The following POU2F3 variants were observed in gnomAD, a reference collection of about 807,000 sequenced individuals.
POU2F3 encodes the protein POU domain, class 2, transcription factor 3.
POU2F3 carries 23 observed loss-of-function variants against 59.2 expected under a neutral mutation model. That is an observed-to-expected ratio of 0.39 (90% confidence interval 0.28 to 0.55). The LOEUF (loss-of-function observed/expected upper bound fraction) is 0.55, where lower values mean the gene tolerates loss of function less well. Among genes scored for constraint, POU2F3 ranks in the 20% least tolerant of loss-of-function variants. The pLI, the probability that POU2F3 is intolerant of heterozygous loss-of-function variation, is 0.66. For synonymous variants in POU2F3, 190 were observed against 214.6 expected (o/e 0.89, Z 1.00); for missense variants, 473 against 544.5 (o/e 0.87, Z 1.31).
chr11:120,243,887 T>C (rs1470803481), intron 1 of POU2F3, among the ~76,000 whole-genome samples: 1 of 152,052 alleles, frequency 6.6e-6, no homozygotes, highest in Non-Finnish European at 1.5e-5. Context: ...ACATGGCAGA[T>C]GAGGAGGGGA....
At chr11:120,313,959 A>C (rs1255083128) in intron 10 of POU2F3, among the ~76,000 whole-genome samples, 3 of 152,214 alleles carry the variant, frequency 2.0e-5, no homozygotes, top group Non-Finnish European at 4.4e-5. Context: ...GGTTGCAGTG[A>C]ACCGTGATCG....
At chr11:120,238,155 G>A (rs984209258), upstream of POU2F3, among the ~76,000 whole-genome samples, 11 of 152,100 alleles carry the variant, frequency 7.2e-5, no homozygotes, top group African/African-American at 2.7e-4. Flanking sequence ...CAGGAGAATC[G>A]CTTGAACCTG....
At chr11:120,309,766 T>C (rs1199058205) in intron 10 of POU2F3, among the ~76,000 whole-genome samples, 180 bp downstream of exon 10, 1 of 152,148 alleles carries the variant, frequency 6.6e-6, no homozygotes, top group African/African-American at 2.4e-5. Flanking sequence ...GAGATACTCT[T>C]TCAGTAGAGA....
At chr11:120,268,248 A>G (rs1387261962) in intron 2 of POU2F3, among the ~76,000 whole-genome samples, 1 of 152,112 alleles carries the variant, frequency 6.6e-6, no homozygotes, top group Non-Finnish European at 1.5e-5. Flanking sequence ...ATACAAAAAT[A>G]TTAATTATGA....
chr11:120,241,000 G>C (rs570172570), intron 1 of POU2F3, among the ~76,000 whole-genome samples: 1 of 152,230 alleles, frequency 6.6e-6, no homozygotes, highest in South Asian at 2.1e-4. Context: ...ATGCTTTGCC[G>C]GGAGTCAGGC....
chr11:120,288,896 T>C (rs1455793412), intron 3 of POU2F3, among the ~76,000 whole-genome samples: 3 of 151,908 alleles, frequency 2.0e-5, no homozygotes, highest in African/African-American at 7.2e-5. Flanking sequence ...TTCATTTAGA[T>C]AATGTACCTT....
intron 1 of POU2F3, among the ~76,000 whole-genome samples, chr11:120,241,229 T>C (rs1335249870): frequency 1.3e-5 from 2 of 152,216 alleles, no homozygotes; most frequent in East Asian, 3.8e-4. Flanking sequence ...ATTTCTAACC[T>C]AGCAACTTAC....
rs552971995 is a variant in POU2F3 at position 120,294,495 on chromosome 11, A to G, written c.133-3770A>G. Among the ~76,000 whole-genome samples the G allele has an allele frequency of 3.3e-5, 5 of 152,338 alleles. No individual in the cohort carries two copies. In the South Asian group the frequency reaches 8.3e-4, roughly 25 times the overall value. On this transcript the variant is annotated intron_variant, in intron 3 of 12. Transcript: ENST00000543440. Reference sequence around the variant, plus strand: ...CACGGGGGAGATTGGGTTTTCGTCCAATTTGCCTCCGGTTCTCACATTAGA... The same window carrying G: ...CACGGGGGAGATTGGGTTTTCGTCCGATTTGCCTCCGGTTCTCACATTAGA...
At chr11:120,240,003 C>T (rs1186974979), upstream of POU2F3, among the ~76,000 whole-genome samples, 2 of 152,180 alleles carry the variant, frequency 1.3e-5, no homozygotes, top group Non-Finnish European at 2.9e-5. Context: ...GCCCCGGCAG[C>T]ACCCCCGGCC....
At chr11:120,246,393 G>C in intron 1 of POU2F3, 56 bp from the exon 2 acceptor site, 1 of 1,567,758 alleles carries the variant, frequency 6.4e-7, no homozygotes, top group South Asian at 1.1e-5. Context: ...AGCCACATAT[G>C]TCATAGCAAG....
intron 2 of POU2F3, chr11:120,256,992 A>G (rs951691841): frequency 2.0e-5 from 3 of 152,206 alleles, no homozygotes; most frequent in Admixed American, 2.0e-4. Flanking sequence ...AAGTTTCCTC[A>G]TCTGTAAAAT....
At chr11:120,274,847 G>A (rs763191771) in intron 3 of POU2F3, among the ~76,000 whole-genome samples, 8 of 152,190 alleles carry the variant, frequency 5.3e-5, no homozygotes, top group South Asian at 2.1e-4. Flanking sequence ...GTCTATAGAT[G>A]AAACTAGGAA....
At chr11:120,314,640 C>T (rs1941735170) in intron 10 of POU2F3, among the ~76,000 whole-genome samples, 2 of 152,214 alleles carry the variant, frequency 1.3e-5, no homozygotes, top group Non-Finnish European at 2.9e-5. Context: ...AGCTGTCTTA[C>T]TCCCAGACCT....
intron 1 of POU2F3, among the ~76,000 whole-genome samples, chr11:120,244,963 G>C (rs568140755): frequency 6.6e-6 from 1 of 152,112 alleles, no homozygotes; most frequent in African/African-American, 2.4e-5. Context: ...GGGAGGGGGT[G>C]GGGTAAGGTT....
intron 3 of POU2F3, among the ~76,000 whole-genome samples, chr11:120,288,340 A>G (rs1397689501): frequency 1.3e-5 from 2 of 152,174 alleles, no homozygotes; most frequent in African/African-American, 4.8e-5. Flanking sequence ...CAAGATCTCT[A>G]TTCGAAAAGA....
intron 10 of POU2F3, among the ~76,000 whole-genome samples, chr11:120,311,474 G>T (rs1188723187): frequency 6.6e-6 from 1 of 152,164 alleles, no homozygotes; most frequent in Non-Finnish European, 1.5e-5. Context: ...AGCTGGATGG[G>T]GGCAGGGAGA....
At chr11:120,272,190 T>G (rs1940107170) in intron 3 of POU2F3, among the ~76,000 whole-genome samples, 1 of 152,160 alleles carries the variant, frequency 6.6e-6, no homozygotes, top group South Asian at 2.1e-4. Flanking sequence ...ATTTCATAAG[T>G]GAGAAAACTG....
At chr11:120,292,993 T>C (rs763777122) in intron 3 of POU2F3, among the ~76,000 whole-genome samples, 7 of 152,222 alleles carry the variant, frequency 4.6e-5, no homozygotes, top group Non-Finnish European at 8.8e-5. Flanking sequence ...CTGATAAGAT[T>C]GTTGCATTTC....
intron 3 of POU2F3, among the ~76,000 whole-genome samples, chr11:120,282,472 A>C (rs1436080373): frequency 1.3e-5 from 2 of 152,198 alleles, no homozygotes; most frequent in Non-Finnish European, 2.9e-5. Context: ...GCTGGCCAAC[A>C]TGGCGAAACC....
Sources: gnomAD v4.1 joint callset for allele counts (sites outside exome capture counted in the v4.1 genomes callset) on GRCh38, gnomAD v4.1.1 for gene constraint, MANE v1.5 for transcripts, NCBI Gene and HGNC (gene_info 2026-07-23, HGNC 2026-07-21) for gene names.